Variants in MYRIP observed in about 807,000 individuals in gnomAD.
MYRIP encodes myosin VIIA and Rab interacting protein, also known as rab effector MyRIP.
In MYRIP, 49 loss-of-function variants were observed where a neutral mutation model predicts 98.0. The observed-to-expected ratio is 0.50, with a 90% CI of 0.40 to 0.63. MYRIP has a LOEUF of 0.63. Among genes scored for constraint, MYRIP ranks in the 30% least tolerant of loss-of-function variants. The pLI is 0.00. For missense variants in MYRIP, 1,004 were observed against 1,058.2 expected, an observed-to-expected ratio of 0.95 and a Z score of 0.71; for synonymous variants, 404 against 409.5, an observed-to-expected ratio of 0.99 and a Z score of 0.16.
intron 2 of MYRIP, among the ~76,000 whole-genome samples, chr3:39,986,928 C>T (rs1661594940): frequency 6.6e-6 from 1 of 152,082 alleles, no homozygotes; most frequent in African/African-American, 2.4e-5. Context: ...TCCTTTGCTC[C>T]CCTTCTTTTG....
At chr3:40,009,011 A>T (rs1946696113) in intron 2 of MYRIP, among the ~76,000 whole-genome samples, 1 of 152,136 alleles carries the variant, frequency 6.6e-6, no homozygotes, top group Non-Finnish European at 1.5e-5. Context: ...AGGTGACAGG[A>T]CTTACTGTCA....
At chr3:40,051,279 C>G (rs1056945409) in intron 3 of MYRIP, among the ~76,000 whole-genome samples, 1 of 152,118 alleles carries the variant, frequency 6.6e-6, no homozygotes, top group South Asian at 2.1e-4. Flanking sequence ...TCAGCATCCA[C>G]CACCCTGATC....
intron 11 of MYRIP, among the ~76,000 whole-genome samples, chr3:40,218,612 T>TTATATATATATATATATATA (rs751894190): frequency 1.5e-4 from 2 of 13,540 alleles, no homozygotes; most frequent in Non-Finnish European, 5.7e-4. Flanking sequence ...TATATATATT[T>TTATATATATATATATATATA]TATATATATA....
chr3:39,865,317 C>A (rs1027994848), intron 1 of MYRIP, among the ~76,000 whole-genome samples: 1 of 152,088 alleles, frequency 6.6e-6, no homozygotes, highest in African/African-American at 2.4e-5. Context: ...CCTAATTATA[C>A]TAAAGAGCTT....
rs1943861626 is a variant in MYRIP, at chr3:39,905,655, T to TACATACAA, written c.110+4729_110+4730insACATACAA. ...AGCTTTACTCTCATACATACAAGGT[T>TACATACAA]GGGGCATTCACCCGCTGTTCCAAAA... On this transcript the variant is annotated intron_variant, in intron 2 of 16. Transcript: ENST00000302541. Among the ~76,000 whole-genome samples the TACATACAA allele has an allele frequency of 2.0e-5, 3 of 152,280 alleles. No individual in the cohort carries two copies. In the South Asian group the frequency reaches 6.2e-4, roughly 32 times the overall value.
intron 1 of MYRIP, among the ~76,000 whole-genome samples, chr3:39,884,554 A>C (rs531531620): frequency 6.6e-6 from 1 of 152,242 alleles, no homozygotes; most frequent in South Asian, 2.1e-4. Context: ...ACAAGCAAGA[A>C]GTTCTGCCAG....
chr3:39,852,087 A>G (rs921149235), intron 1 of MYRIP, among the ~76,000 whole-genome samples: 3 of 152,090 alleles, frequency 2.0e-5, no homozygotes, highest in Admixed American at 1.3e-4. Context: ...CAAGCATTAG[A>G]CAAAGGCATG....
intron 2 of MYRIP, among the ~76,000 whole-genome samples, chr3:40,004,057 T>G (rs1370162697): frequency 2.0e-5 from 3 of 152,212 alleles, no homozygotes; most frequent in Non-Finnish European, 4.4e-5. Flanking sequence ...CCTTGAAAAC[T>G]CTAGGTGTCT....
intron 3 of MYRIP, among the ~76,000 whole-genome samples, chr3:40,111,563 G>A (rs150046658): frequency 3.3e-5 from 5 of 152,214 alleles, no homozygotes; most frequent in African/African-American, 1.2e-4. Context: ...GTATGTTGAT[G>A]GGACTGATGA....
intron 13 of MYRIP, among the ~76,000 whole-genome samples, chr3:40,246,874 T>C (rs1559475128): frequency 6.6e-6 from 1 of 152,206 alleles, no homozygotes; most frequent in African/African-American, 2.4e-5. Context: ...CTCCACTCTG[T>C]GGATGGGTCA....
Position 40,159,124 on chromosome 3 carries a change from G to A in MYRIP, c.470-3606G>A, listed in dbSNP as rs1425512273. Among the ~76,000 whole-genome samples, 3 of 152,072 alleles carry A rather than the reference G, an allele frequency of 2.0e-5. No homozygotes were observed. In the East Asian group the frequency reaches 5.8e-4, roughly 29 times the overall value. The stretch of plus-strand genomic sequence containing the variant: ...TTACATTTTGGCATGATTTTGCAAT[G>A]GCTGGTATCGGTTGTTCCTTTCCAT... On this transcript the variant is annotated intron_variant, in intron 4 of 16. Coordinates refer to ENST00000302541, the MANE Select transcript of MYRIP (RefSeq NM_015460.4).
chr3:39,879,582 C>T (rs903328218), intron 1 of MYRIP, among the ~76,000 whole-genome samples: 4 of 152,088 alleles, frequency 2.6e-5, no homozygotes, highest in Admixed American at 1.3e-4. Flanking sequence ...CAGATTTTGT[C>T]GTTAGACTTA....
At chr3:39,863,991 C>G (rs772787058) in intron 1 of MYRIP, among the ~76,000 whole-genome samples, 4 of 152,112 alleles carry the variant, frequency 2.6e-5, no homozygotes, top group Non-Finnish European at 1.5e-5. Context: ...AAGGTTGTCT[C>G]AACATATACA....
At chr3:40,172,164 C>T (rs1014585333) in intron 8 of MYRIP, among the ~76,000 whole-genome samples, 1 of 152,216 alleles carries the variant, frequency 6.6e-6, no homozygotes, top group Non-Finnish European at 1.5e-5. Flanking sequence ...TCCGCAGATA[C>T]AGCAGACTCC....
At chr3:39,835,753 T>C (rs1482053390) in intron 1 of MYRIP, among the ~76,000 whole-genome samples, 4 of 152,062 alleles carry the variant, frequency 2.6e-5, no homozygotes, top group South Asian at 2.1e-4. Context: ...TGCCCTCCAT[T>C]CCCCAATAGG....
At position 40,167,375 on chromosome 3, in the gene MYRIP, T is replaced by A. The variant is rs1021104746; in HGVS notation, c.729+136T>A. On this transcript the variant is annotated intron_variant, in intron 7 of 16. Transcript: ENST00000302541. ...TGTGCCTTCTCACTTTAGACTTTTGTGCCCTGGGGACCCATGCAGAGGGAA... is the reference window on the plus strand; with the variant it reads ...TGTGCCTTCTCACTTTAGACTTTTGAGCCCTGGGGACCCATGCAGAGGGAA... 1.8e-5 allele frequency: 14 copies of A among 797,710 alleles called. No individual in the cohort carries two copies. In the African/African-American group the frequency reaches 2.0e-4, roughly 12 times the overall value. The allele number at this position is 797,710 out of a possible 1,614,324, so 49.4% of individuals were successfully genotyped here.
At chr3:39,926,136 T>A (rs915008777) in intron 2 of MYRIP, among the ~76,000 whole-genome samples, 2 of 152,160 alleles carry the variant, frequency 1.3e-5, no homozygotes, top group African/African-American at 4.8e-5. Flanking sequence ...TGTCGTCTTT[T>A]GAAAAGTGTC....
chr3:40,253,228 T>C (rs1201780013), intron 16 of MYRIP, among the ~76,000 whole-genome samples: 8 of 152,186 alleles, frequency 5.3e-5, no homozygotes, highest in Non-Finnish European at 1.0e-4. Context: ...CCCGCTTGTT[T>C]ACCAAAAACA....
At chr3:40,071,503 CAT>C (rs1948227224) in intron 3 of MYRIP, among the ~76,000 whole-genome samples, 1 of 152,056 alleles carries the variant, frequency 6.6e-6, no homozygotes, top group African/African-American at 2.4e-5. Context: ...GATTTTAGAA[CAT>C]GTGTGACGAT....
Sources: allele counts gnomAD v4.1 joint callset (sites outside exome capture counted in the v4.1 genomes callset), GRCh38; gene constraint gnomAD v4.1.1; transcripts MANE v1.5; gene names NCBI Gene and HGNC (gene_info 2026-07-23, HGNC 2026-07-21).